Variants in ATP7B observed in about 807,000 individuals in gnomAD.
The protein encoded by ATP7B is copper-transporting ATPase 2.
A neutral mutation model predicts 118.9 loss-of-function variants in ATP7B; 113 were observed. The ratio of observed to expected loss-of-function variants is 0.95; its 90% CI spans 0.82 to 1.11. ATP7B has a LOEUF of 1.11. Ranked by LOEUF, ATP7B falls within the 50% of genes most tolerant of loss-of-function variation. ATP7B has a pLI of 0.00. For missense variants in ATP7B, 1,867 were observed against 1,871.4 expected (o/e 1.00, Z 0.04); for synonymous variants, 777 against 727.4 (o/e 1.07, Z -1.10).
chr13:51,949,989 T>A lies in ATP7B; in HGVS notation c.2730+18A>T. The A allele has an allele frequency of 1.2e-6, 2 of 1,614,220 alleles. No homozygotes were observed. The highest frequency in any genetic ancestry group is 1.1e-5 in the South Asian group (1 of 91,088). On this transcript the variant is annotated intron_variant, in intron 11 of 20. Transcript: ENST00000242839. Reference sequence around the variant, plus strand: ...AAAACGAGAAAGATGAAGTTAGTTTTAAAAATTTCTTCATTACCTTTGACA... The same window carrying A: ...AAAACGAGAAAGATGAAGTTAGTTTAAAAAATTTCTTCATTACCTTTGACA...
intron 9 of ATP7B, among the ~76,000 whole-genome samples, chr13:51,957,242 C>T (rs1210792616): frequency 6.6e-6 from 1 of 152,160 alleles, no homozygotes; most frequent in Non-Finnish European, 1.5e-5. Context: ...TGAAGTTTCC[C>T]TTGACCAACA....
rs968259010 is a variant in ATP7B at position 51,979,015 on chromosome 13, T to C, written c.52-3847A>G. 6 of 152,360 alleles carry C rather than the reference T, an allele frequency of 3.9e-5. 1 individual carries two copies. The highest frequency in any genetic ancestry group is 7.2e-5 in the African/African-American group (3 of 41,454). The allele number at this position is 152,360 out of a possible 1,614,324, so 9.4% of individuals were successfully genotyped here. ...TTGGCAGGGACCCGGTTCTCTTCCA[T>C]GTGGCTTCTCTTTATGACTAGGTGG... On this transcript the variant is annotated intron_variant, in intron 1 of 20. Transcript: ENST00000242839.
chr13:51,972,797 C>G (rs1951904284), intron 2 of ATP7B, among the ~76,000 whole-genome samples: 1 of 152,042 alleles, frequency 6.6e-6, no homozygotes, highest in African/African-American at 2.4e-5. Context: ...GCCAAGAGTT[C>G]AAGACCAGCC....
chr13:51,938,121 G>T (rs1957081469), intron 17 of ATP7B, among the ~76,000 whole-genome samples: 2 of 152,170 alleles, frequency 1.3e-5, no homozygotes, highest in Admixed American at 1.3e-4. Flanking sequence ...TCTGGCAGCT[G>T]GTGCCACACT....
chr13:51,970,517 T>C lies in ATP7B; in HGVS notation c.1518A>G (p.Ile506Met). ...CAGCTTCTTTCTGCAGATTCCTTTC[T>C]ATGTTAGACACACAGGATGCACAGG... ...GMTCASCVSN[I>M]ERNLQKEAGV... Residue 506 changes from isoleucine (I) to methionine (M), a missense_variant, in exon 3 of 21, where the codon ATA (isoleucine) becomes ATG (methionine). Physicochemically the swap from Ile to Met is conservative, Grantham distance 10. Coordinates refer to ENST00000242839, the MANE Select transcript of ATP7B (RefSeq NM_000053.4). 3.1e-6 allele frequency: 5 copies of C among 1,614,176 alleles called. No homozygotes were observed. The highest frequency in any genetic ancestry group is 2.5e-6 in the Non-Finnish European group (3 of 1,180,026).
Position 51,973,764 on chromosome 13 carries a change from A to C in ATP7B, c.1285+171T>G, listed in dbSNP as rs963086053. ...AGCAAAATCTAGACACTTGGAGATTATATTTCCTCTATCTTAACAAATTTA... is the reference window on the plus strand; with the variant it reads ...AGCAAAATCTAGACACTTGGAGATTCTATTTCCTCTATCTTAACAAATTTA... On this transcript the variant is annotated intron_variant, in intron 2 of 20. Coordinates refer to ENST00000242839, the MANE Select transcript of ATP7B (RefSeq NM_000053.4). Among the ~76,000 whole-genome samples the C allele has an allele frequency of 4.9e-4, 75 of 152,280 alleles. 1 individual carries two copies. Among genetic ancestry groups the C allele is most frequent in the African/African-American group, 1.8e-3 (74 of 41,478 alleles).
At chr13:51,953,646 T>C (rs1566515134) in intron 9 of ATP7B, among the ~76,000 whole-genome samples, 1 of 152,244 alleles carries the variant, frequency 6.6e-6, no homozygotes, top group East Asian at 1.9e-4. Flanking sequence ...TGCTGAGCGA[T>C]AGGAACCCTC....
chr13:51,936,675 C>T (rs1472680948), intron 19 of ATP7B, among the ~76,000 whole-genome samples: 1 of 152,072 alleles, frequency 6.6e-6, no homozygotes, highest in East Asian at 1.9e-4. Flanking sequence ...CTAAGGTGTA[C>T]GCTACCACGC....
At chr13:51,938,704 G>C (rs1161040478) in intron 17 of ATP7B, among the ~76,000 whole-genome samples, 2 of 152,204 alleles carry the variant, frequency 1.3e-5, no homozygotes. Context: ...GAGAAGAGCT[G>C]AGCTGGCAAA....
At chr13:51,970,774 T>C (rs779613845) in intron 2 of ATP7B, 25 bp from the exon 3 acceptor site, 2 of 1,611,104 alleles carry the variant, frequency 1.2e-6, no homozygotes, top group Admixed American at 3.3e-5. Context: ...CAGAAAATAT[T>C]CAAATTAGAA....
intron 1 of ATP7B, among the ~76,000 whole-genome samples, chr13:52,005,705 C>T (rs1953734005): frequency 6.6e-6 from 1 of 152,218 alleles, no homozygotes; most frequent in African/African-American, 2.4e-5. Context: ...CCTCCAAACT[C>T]TTCCAGCCTC....
At chr13:51,944,376 A>G (rs1208205233) in intron 13 of ATP7B, 85 bp from the exon 14 acceptor site, 30 of 1,532,558 alleles carry the variant, frequency 2.0e-5, no homozygotes, top group African/African-American at 4.1e-5. Flanking sequence ...ACTTCACCCA[A>G]CCTGCCTCAG....
At chr13:51,940,343 C>A (rs1040993263) in intron 16 of ATP7B, among the ~76,000 whole-genome samples, 1 of 143,424 alleles carries the variant, frequency 7.0e-6, no homozygotes, top group African/African-American at 2.5e-5. Flanking sequence ...GTACTCTGTG[C>A]GACACCAGTC....
intron 1 of ATP7B, among the ~76,000 whole-genome samples, chr13:51,981,841 G>C (rs1273197060): frequency 6.6e-6 from 1 of 152,094 alleles, no homozygotes; most frequent in Non-Finnish European, 1.5e-5. Flanking sequence ...AAAAACAAGT[G>C]TTACTTTCAC....
chr13:51,997,882 G>A (rs1180725963), intron 1 of ATP7B, among the ~76,000 whole-genome samples: 1 of 152,186 alleles, frequency 6.6e-6, no homozygotes, highest in African/African-American at 2.4e-5. Flanking sequence ...GATGAGCGGG[G>A]AGGGTGGGAA....
chr13:52,011,707 G>T (rs958092776), upstream of ATP7B, among the ~76,000 whole-genome samples: 7 of 152,234 alleles, frequency 4.6e-5, no homozygotes, highest in Non-Finnish European at 7.3e-5. Context: ...CCGTGCCAGT[G>T]CCACAATGTC....
intron 1 of ATP7B, among the ~76,000 whole-genome samples, chr13:52,006,078 C>T (rs1368598379): frequency 6.6e-6 from 1 of 152,252 alleles, no homozygotes; most frequent in Non-Finnish European, 1.5e-5. Flanking sequence ...GCCAGACCCA[C>T]CCCTTTATTT....
At position 51,933,050 on chromosome 13, in the gene ATP7B, T is replaced by C. The variant is rs143285115; in HGVS notation, c.*1706A>G. On this transcript the variant is annotated 3_prime_UTR_variant, in exon 21 of 21. Coordinates refer to ENST00000242839, the MANE Select transcript of ATP7B (RefSeq NM_000053.4). ...AAAATAAAACCCTGCAAAAACTATA[T>C]GTAAAAAGTGAAACTAACCATCCAA... is the stretch of plus-strand genomic sequence containing the variant. The C allele has an allele frequency of 6.6e-6, 1 of 152,234 alleles. No individual in the cohort carries two copies. Among genetic ancestry groups the C allele is most frequent in the Non-Finnish European group, 1.5e-5 (1 of 68,020 alleles). The allele number at this position is 152,234 out of a possible 1,614,324, so 9.4% of individuals were successfully genotyped here.
chr13:51,971,960 A>G (rs1209939970), intron 2 of ATP7B, among the ~76,000 whole-genome samples: 1 of 152,214 alleles, frequency 6.6e-6, no homozygotes, highest in African/African-American at 2.4e-5. Context: ...TGCTCCCTAC[A>G]GTACCGAGCT....
Sources: allele counts gnomAD v4.1 joint callset (sites outside exome capture counted in the v4.1 genomes callset), GRCh38; gene constraint gnomAD v4.1.1; transcripts MANE v1.5; gene names NCBI Gene and HGNC (gene_info 2026-07-23, HGNC 2026-07-21).